Variants in ANKRD17 observed in about 807,000 individuals in gnomAD.
The protein encoded by ANKRD17 is ankyrin repeat domain 17, also known as ankyrin repeat domain-containing protein 17.
In ANKRD17, 19 loss-of-function variants were observed where a neutral mutation model predicts 229.7. The ratio of observed to expected loss-of-function variants is 0.08; its 90% CI spans 0.06 to 0.12. The LOEUF (loss-of-function observed/expected upper bound fraction) is 0.12. Ranked by LOEUF, ANKRD17 falls within the 10% of genes least tolerant of loss-of-function variation. The probability of loss-of-function intolerance (pLI) is 1.00; values close to 1 mark genes in which losing one functional copy is unlikely to be tolerated. For missense variants in ANKRD17, 2,176 were observed against 3,176.8 expected, an observed-to-expected ratio of 0.68 and a Z score of 7.57; for synonymous variants, 1,112 against 1,146.1, an observed-to-expected ratio of 0.97 and a Z score of 0.60.
chr4:73,140,338 G>A, intron 14 of ANKRD17, 55 bp from the exon 15 acceptor site: 1 of 1,515,862 alleles, frequency 6.6e-7, no homozygotes, highest in Admixed American at 2.3e-5. Context: ...CCTCATTACA[G>A]AGTTACTGTT....
At chr4:73,233,258 C>T (rs1489065424) in intron 1 of ANKRD17, among the ~76,000 whole-genome samples, 1 of 152,008 alleles carries the variant, frequency 6.6e-6, no homozygotes, top group Non-Finnish European at 1.5e-5. Flanking sequence ...TACTGACTGT[C>T]CACCGAAAAA....
chr4:73,152,039 T>C (rs1449420154), intron 6 of ANKRD17, among the ~76,000 whole-genome samples: 1 of 151,886 alleles, frequency 6.6e-6, no homozygotes, highest in Non-Finnish European at 1.5e-5. Flanking sequence ...TATATTTATA[T>C]ATTTAATTAT....
chr4:73,256,231 G>T (rs1310054680), intron 1 of ANKRD17, among the ~76,000 whole-genome samples: 1 of 152,112 alleles, frequency 6.6e-6, no homozygotes, highest in Admixed American at 6.5e-5. Context: ...CAAACTTACA[G>T]CCATTCTTCA....
chr4:73,120,878 T>C lies in ANKRD17; in HGVS notation c.3849+3A>G. On this transcript the variant is annotated splice_donor_region_variant and intron_variant, in intron 20 of 33. Transcript: ENST00000358602. ...CATGTGTAAATCTCAGACTTTTTCTTACCTTAGCTCTGTGTTCAACATTTG... is the reference window on the plus strand; with the variant it reads ...CATGTGTAAATCTCAGACTTTTTCTCACCTTAGCTCTGTGTTCAACATTTG... The C allele has an allele frequency of 1.9e-6, 3 of 1,608,312 alleles. No individual in the cohort carries two copies. The highest frequency in any genetic ancestry group is 2.5e-6 in the Non-Finnish European group (3 of 1,176,788).
intron 14 of ANKRD17, among the ~76,000 whole-genome samples, chr4:73,140,617 A>C (rs778825866): frequency 6.6e-6 from 1 of 152,174 alleles, no homozygotes; most frequent in Non-Finnish European, 1.5e-5. Flanking sequence ...ATATGGTCAT[A>C]AAGATGTTAA....
At chr4:73,125,745 A>AAAAAAAAAAAG (rs556235831) in intron 16 of ANKRD17, among the ~76,000 whole-genome samples, 2 of 144,414 alleles carry the variant, frequency 1.4e-5, no homozygotes, top group African/African-American at 2.5e-5. Flanking sequence ...AAAAAAAAAA[A>AAAAAAAAAAAG]AAAAGAAAAG....
chr4:73,171,178 GGAGAGAGAGAGAGA>G (rs56882212), intron 2 of ANKRD17, among the ~76,000 whole-genome samples: 75 of 104,502 alleles, frequency 7.2e-4, no homozygotes, highest in African/African-American at 2.3e-3. Flanking sequence ...CTCAGAGGGG[GGAGAGAGAGAGAGA>G]GAGAGAGAGA....
At chr4:73,212,625 G>A (rs1038992979) in intron 1 of ANKRD17, among the ~76,000 whole-genome samples, 3 of 151,962 alleles carry the variant, frequency 2.0e-5, no homozygotes, top group African/African-American at 7.2e-5. Flanking sequence ...GTGCAGATGT[G>A]ATACAAAATC....
intron 1 of ANKRD17, among the ~76,000 whole-genome samples, chr4:73,248,501 C>CA (rs1560786140): frequency 6.6e-6 from 1 of 151,936 alleles, no homozygotes; most frequent in Non-Finnish European, 1.5e-5. Flanking sequence ...CCCATTTCTT[C>CA]AAAACCCTTA....
chr4:73,162,064 T>G (rs1732607752), intron 2 of ANKRD17, among the ~76,000 whole-genome samples: 1 of 151,612 alleles, frequency 6.6e-6, no homozygotes. Context: ...CTCTTTTTTT[T>G]TTTTTTTAGA....
Position 73,258,384 on chromosome 4 carries a change from G to A in ANKRD17, c.285C>T (p.Ser95=). ...SSESSSDSDN[S]GGGGGGGGGG... ...CTCCACCGCCGCCTCCACCGCCGCC[G>A]CTGTTGTCGCTGTCGCTGCTGCTTT... The change falls in exon 1 of 34, where the codon AGC becomes AGT. Residue 95 remains serine (S), a synonymous_variant. Coordinates refer to ENST00000358602, the MANE Select transcript of ANKRD17 (RefSeq NM_032217.5). The A allele has an allele frequency of 1.9e-6, 3 of 1,610,950 alleles. No homozygotes were observed. Among genetic ancestry groups the A allele is most frequent in the Non-Finnish European group, 1.7e-6 (2 of 1,179,432 alleles).
chr4:73,220,792 G>A (rs547247014), intron 1 of ANKRD17, among the ~76,000 whole-genome samples: 16 of 152,124 alleles, frequency 1.1e-4, no homozygotes, highest in South Asian at 2.1e-4. Flanking sequence ...TGAAAATTAC[G>A]GTAATGAACT....
chr4:73,187,954 GA>G (rs1303203826), intron 1 of ANKRD17, among the ~76,000 whole-genome samples: 1 of 152,104 alleles, frequency 6.6e-6, no homozygotes, highest in Non-Finnish European at 1.5e-5. Context: ...AGAGGATTTA[GA>G]AATAGAAGTA....
intron 11 of ANKRD17, 80 bp downstream of exon 11, chr4:73,144,665 A>G (rs2148832011): frequency 1.1e-6 from 1 of 916,054 alleles, no homozygotes; most frequent in East Asian, 2.8e-5. Flanking sequence ...TGCCTTCAAA[A>G]GACCTTTACC....
chr4:73,087,334 C>G (rs928487340), intron 29 of ANKRD17, among the ~76,000 whole-genome samples: 2 of 152,152 alleles, frequency 1.3e-5, no homozygotes, highest in African/African-American at 4.8e-5. Flanking sequence ...AGCCTCTTGT[C>G]TCAGTCTCCC....
rs188746705 is a variant in ANKRD17, at chr4:73,229,860, A to T, written c.393+28416T>A. 5.6e-4 allele frequency among the ~76,000 whole-genome samples: 86 copies of T among 152,242 alleles called. No individual in the cohort carries two copies. In the Middle Eastern group the frequency reaches 0.014, roughly 24 times the overall value. On this transcript the variant is annotated intron_variant, in intron 1 of 33. Coordinates refer to ENST00000358602, the MANE Select transcript of ANKRD17 (RefSeq NM_032217.5). ...TTGGGAAATATTTGGGTATATTCTCACTAAATAAAATACTGCTGGATACAT... is the reference window on the plus strand; with the variant it reads ...TTGGGAAATATTTGGGTATATTCTCTCTAAATAAAATACTGCTGGATACAT...
intron 1 of ANKRD17, among the ~76,000 whole-genome samples, chr4:73,178,769 T>C (rs148849893): frequency 6.6e-6 from 1 of 152,188 alleles, no homozygotes; most frequent in East Asian, 1.9e-4. Context: ...AATTAGAAAA[T>C]AACAAACTCC....
chr4:73,090,547 C>T, intron 29 of ANKRD17, 120 bp downstream of exon 29: 2 of 1,302,358 alleles, frequency 1.5e-6, no homozygotes, highest in Non-Finnish European at 2.1e-6. Context: ...TCTGAGTTAA[C>T]TAAATCCAAC....
At chr4:73,235,836 G>A (rs1161353454) in intron 1 of ANKRD17, among the ~76,000 whole-genome samples, 1 of 152,002 alleles carries the variant, frequency 6.6e-6, no homozygotes, top group African/African-American at 2.4e-5. Flanking sequence ...GAAGGAAGAA[G>A]GGAAGGTTCG....
Sources: gnomAD v4.1 joint callset for allele counts (sites outside exome capture counted in the v4.1 genomes callset) on GRCh38, gnomAD v4.1.1 for gene constraint, MANE v1.5 for transcripts, NCBI Gene and HGNC (gene_info 2026-07-23, HGNC 2026-07-21) for gene names.